MLPH: variants seen among roughly 807,000 people sequenced by gnomAD.
The protein encoded by MLPH is exophilin-3.
A neutral mutation model predicts 72.1 loss-of-function variants in MLPH; 51 were observed. The ratio of observed to expected loss-of-function variants is 0.71; its 90% CI spans 0.56 to 0.89. The LOEUF (loss-of-function observed/expected upper bound fraction) is 0.89, where lower values mean the gene tolerates loss of function less well. MLPH is among the 40% of genes least tolerant of loss of function. The pLI is 0.00. For synonymous variants in MLPH, 301 were observed against 310.1 expected, an observed-to-expected ratio of 0.97 and a Z score of 0.31; for missense variants, 743 against 759.9, an observed-to-expected ratio of 0.98 and a Z score of 0.26.
At chr2:237,530,811 C>T (rs1370823169) in intron 8 of MLPH, among the ~76,000 whole-genome samples, 1 of 152,214 alleles carries the variant, frequency 6.6e-6, no homozygotes, top group East Asian at 1.9e-4. Flanking sequence ...GAGTGACTGG[C>T]TTGGCCCCTG....
chr2:237,526,407 T>C (rs1011305541), intron 7 of MLPH, among the ~76,000 whole-genome samples: 14 of 152,190 alleles, frequency 9.2e-5, no homozygotes, highest in African/African-American at 2.4e-4. Context: ...AGTGGCTGCG[T>C]GCGGGAAAGC....
intron 4 of MLPH, among the ~76,000 whole-genome samples, chr2:237,517,008 G>A (rs1250680525): frequency 7.2e-6 from 1 of 138,682 alleles, no homozygotes; most frequent in Non-Finnish European, 1.5e-5. Flanking sequence ...TGGATGGATG[G>A]ATGGATGGAT....
rs774244264 is a variant in MLPH at position 237,549,283 on chromosome 2, G to A, written c.1675+5G>A. 3 of 1,613,876 alleles carry A rather than the reference G, an allele frequency of 1.9e-6. No individual in the cohort carries two copies. The highest frequency in any genetic ancestry group is 2.5e-6 in the Non-Finnish European group (3 of 1,179,760). On this transcript the variant is annotated splice_donor_5th_base_variant and intron_variant, in intron 14 of 15. Coordinates refer to ENST00000264605, the MANE Select transcript of MLPH (RefSeq NM_024101.7). ...GTAATTCCCTGAAAAGTCAAGGTAAGAGCCCTCTGCTCCCCCACCCCCATG... is the reference window on the plus strand; with the variant it reads ...GTAATTCCCTGAAAAGTCAAGGTAAAAGCCCTCTGCTCCCCCACCCCCATG...
At chr2:237,525,989 C>T (rs1448514956) in intron 7 of MLPH, among the ~76,000 whole-genome samples, 184 bp downstream of exon 7, 1 of 152,254 alleles carries the variant, frequency 6.6e-6, no homozygotes, top group Admixed American at 6.5e-5. Context: ...TCCCCGGGAC[C>T]GGGATGTGCG....
intron 8 of MLPH, among the ~76,000 whole-genome samples, chr2:237,532,141 G>A (rs1156630413): frequency 1.3e-5 from 2 of 152,342 alleles, no homozygotes; most frequent in African/African-American, 4.8e-5. Flanking sequence ...AGGGGCCTTT[G>A]TGAAGTGGCT....
chr2:237,528,231 T>C (rs1208453106), intron 8 of MLPH, among the ~76,000 whole-genome samples: 1 of 152,224 alleles, frequency 6.6e-6, no homozygotes, highest in Non-Finnish European at 1.5e-5. Flanking sequence ...GTGAATATAC[T>C]TAATACCTTA....
chr2:237,510,158 T>C lies in MLPH; in HGVS notation c.111-416T>C. On this transcript the variant is annotated intron_variant, in intron 2 of 15. Transcript: ENST00000264605. The surrounding 1 kb of genome is among the most constrained non-coding windows in gnomAD (Gnocchi z 4.4). ...AGAGGAGCAAACCTGGGGCGTTAGC[T>C]CAACTCTTGCCCCCCTGCTGAAGGA... 1 of 302,916 alleles carries C rather than the reference T, an allele frequency of 3.3e-6. No homozygotes were observed. 18.8% of individuals were successfully genotyped at this position (302,916 alleles called of 1,614,324 possible).
chr2:237,509,031 G>A (rs2079835033), intron 2 of MLPH, among the ~76,000 whole-genome samples: 1 of 152,218 alleles, frequency 6.6e-6, no homozygotes, highest in African/African-American at 2.4e-5. Flanking sequence ...AGTGCATGGA[G>A]TGCTCTGGCC....
chr2:237,542,369 C>A (rs1036973006), intron 11 of MLPH, among the ~76,000 whole-genome samples, 198 bp from the exon 12 acceptor site: 2 of 152,126 alleles, frequency 1.3e-5, no homozygotes, highest in African/African-American at 4.8e-5. Flanking sequence ...ACACCCCCCC[C>A]TTCTCAACAA....
intron 1 of MLPH, 58 bp from the exon 2 acceptor site, chr2:237,493,345 C>T (rs1398290148): frequency 1.9e-5 from 21 of 1,077,750 alleles, no homozygotes; most frequent in Non-Finnish European, 3.0e-5. Flanking sequence ...TACTCTGTGA[C>T]TTGATTGGTA....
At chr2:237,550,150 G>A (rs1217103250) in intron 14 of MLPH, among the ~76,000 whole-genome samples, 1 of 152,188 alleles carries the variant, frequency 6.6e-6, no homozygotes, top group Non-Finnish European at 1.5e-5. Context: ...CCACGCCTGG[G>A]TGTGCCCCCT....
At chr2:237,513,578 G>T (rs1221921976) in intron 4 of MLPH, among the ~76,000 whole-genome samples, 3 of 151,856 alleles carry the variant, frequency 2.0e-5, no homozygotes, top group Admixed American at 1.3e-4. Context: ...CTTTTTTTTA[G>T]CATGACTTGA....
chr2:237,489,741 C>T (rs1273095114), intron 1 of MLPH, among the ~76,000 whole-genome samples: 1 of 152,198 alleles, frequency 6.6e-6, no homozygotes, highest in African/African-American at 2.4e-5. Flanking sequence ...TTCCAAGGCT[C>T]CCCAAGCAGC....
chr2:237,534,852 C>T (rs2080499918), intron 9 of MLPH, among the ~76,000 whole-genome samples: 1 of 152,156 alleles, frequency 6.6e-6, no homozygotes. Context: ...GGCCTGCCAC[C>T]ACCTCTCATG....
At chr2:237,516,481 G>A (rs562361706) in intron 4 of MLPH, among the ~76,000 whole-genome samples, 109 of 152,318 alleles carry the variant, frequency 7.2e-4, no homozygotes, top group African/African-American at 2.5e-3. Flanking sequence ...CTATGAGCCT[G>A]CAGGTGAAAC....
At chr2:237,538,118 A>T (rs1009919482) in intron 9 of MLPH, among the ~76,000 whole-genome samples, 3 of 152,208 alleles carry the variant, frequency 2.0e-5, no homozygotes, top group Non-Finnish European at 2.9e-5. Context: ...GCTCCTGACG[A>T]TGGGGAGGTG....
chr2:237,509,202 G>A (rs2079839456), intron 2 of MLPH, among the ~76,000 whole-genome samples: 1 of 152,186 alleles, frequency 6.6e-6, no homozygotes, highest in African/African-American at 2.4e-5. Flanking sequence ...CTAAAGCACA[G>A]TACAGTTCTC....
At chr2:237,553,191 G>A (rs562265003) in intron 15 of MLPH, 16 of 483,920 alleles carry the variant, frequency 3.3e-5, no homozygotes, top group Admixed American at 2.1e-4. Context: ...AGACTTGGCC[G>A]ATGACCAGTC....
intron 14 of MLPH, among the ~76,000 whole-genome samples, 164 bp downstream of exon 14, chr2:237,549,442 C>G (rs2080987985): frequency 6.6e-6 from 1 of 152,172 alleles, no homozygotes; most frequent in South Asian, 2.1e-4. Context: ...CCCTCAGGAC[C>G]CAGCAAGTTG....
Sources: allele counts gnomAD v4.1 joint callset (sites outside exome capture counted in the v4.1 genomes callset), GRCh38; gene constraint gnomAD v4.1.1; non-coding constraint Gnocchi (gnomAD v3.1); transcripts MANE v1.5; gene names NCBI Gene and HGNC (gene_info 2026-07-23, HGNC 2026-07-21).